Variants in NDOR1 observed in about 807,000 individuals in gnomAD.
NDOR1 encodes NADPH-dependent diflavin oxidoreductase 1.
NDOR1 carries 61 observed loss-of-function variants against 67.2 expected under a neutral mutation model. That is an observed-to-expected ratio of 0.91 (90% CI 0.74 to 1.12). The LOEUF is 1.12. NDOR1 is among the 50% of genes most tolerant of loss of function. NDOR1 has a pLI of 0.00. For synonymous variants in NDOR1, 378 were observed against 343.7 expected (o/e 1.10, Z -1.10); for missense variants, 878 against 802.8 (o/e 1.09, Z -1.13).
intron 2 of NDOR1, among the ~76,000 whole-genome samples, chr9:137,211,863 G>A (rs531565235): frequency 5.7e-4 from 86 of 152,102 alleles, no homozygotes; most frequent in Admixed American, 1.5e-3. Flanking sequence ...TAGGGAGGGG[G>A]CAGTAGGTTC....
Position 137,215,199 on chromosome 9 carries a change from G to A in NDOR1, c.1170G>A (p.Leu390=). The A allele has an allele frequency of 5.0e-6, 8 of 1,610,238 alleles. No individual in the cohort carries two copies. Among genetic ancestry groups the A allele is most frequent in the Non-Finnish European group, 6.8e-6 (8 of 1,178,880 alleles). The change falls in exon 9 of 14, where the codon CTG becomes CTA. Residue 390 remains leucine, a synonymous_variant. Coordinates refer to ENST00000684003, the MANE Select transcript of NDOR1 (RefSeq NM_014434.4). ...GGGCCTTCTCCATCGCCTCCTCGCT[G>A]CTGGTGAGGGGCCTGGTGGTTGGAG... is the stretch of plus-strand genomic sequence containing the variant. ...RPRAFSIASS[L]LTHPSRLQIL...
At position 137,216,018 on chromosome 9, in the gene NDOR1, G is replaced by A. The variant is rs1304111996; in HGVS notation, c.1554+1G>A. 3 of 1,613,454 alleles carry A rather than the reference G, an allele frequency of 1.9e-6. No individual in the cohort carries two copies. Among genetic ancestry groups the A allele is most frequent in the Non-Finnish European group, 1.7e-6 (2 of 1,180,012 alleles). On this transcript the variant is annotated splice_donor_variant, in intron 12 of 13. Coordinates refer to ENST00000684003, the MANE Select transcript of NDOR1 (RefSeq NM_014434.4). LOFTEE classifies it high-confidence loss of function. The stretch of plus-strand genomic sequence containing the variant: ...CATCCCTGCCTTCTCCCGGGAACAG[G>A]TGTGTATGCTCAGGGGCTGGGAAAG...
rs757257285 is a variant in NDOR1, at chr9:137,215,171, C to T, written c.1142C>T (p.Pro381Leu). ...TTGGACCTCATCCCCGTTATCCGGC[C>T]GAGGGCCTTCTCCATCGCCTCCTCG... The part of the protein sequence containing the change: ...YLLDLIPVIR[P>L]RAFSIASSLL... The change falls in exon 9 of 14, where the codon CCG (proline) becomes CTG (leucine). Residue 381 changes from proline (P) to leucine (L), a missense_variant. Pro to Leu is a moderately conservative substitution (Grantham distance 98, BLOSUM62 -3). Transcript: ENST00000684003. 40 of 1,612,908 alleles carry T rather than the reference C, an allele frequency of 2.5e-5. No individual in the cohort carries two copies. The highest frequency in any genetic ancestry group is 2.5e-5 in the Non-Finnish European group (30 of 1,179,906).
chr9:137,210,599 G>C (rs1204371310), intron 2 of NDOR1, among the ~76,000 whole-genome samples: 1 of 152,154 alleles, frequency 6.6e-6, no homozygotes, highest in Non-Finnish European at 1.5e-5. Flanking sequence ...CCAGCGCTTT[G>C]AGAAGCCAAG....
chr9:137,218,706 C>A lies in NDOR1; in HGVS notation c.*2290C>A. 1 of 397,834 alleles carries A rather than the reference C, an allele frequency of 2.5e-6. No homozygotes were observed. Among genetic ancestry groups the A allele is most frequent in the Non-Finnish European group, 4.4e-6 (1 of 225,780 alleles). 24.6% of individuals were successfully genotyped at this position (397,834 alleles called of 1,614,324 possible). ...GGCCTGATGACCAGGCTGGAAAAAC[C>A]CAAGGTTGGGTCCAGGGCAGTGGCC... On this transcript the variant is annotated 3_prime_UTR_variant, in exon 14 of 14. Transcript: ENST00000684003.
intron 2 of NDOR1, among the ~76,000 whole-genome samples, chr9:137,211,766 C>T (rs1361156901): frequency 1.3e-5 from 2 of 151,826 alleles, no homozygotes; most frequent in African/African-American, 4.8e-5. Flanking sequence ...CCAGGGCCTC[C>T]CTGTCTGCTA....
In NDOR1 at chr9:137,219,308, T is replaced by G. The variant is rs927741107; in HGVS notation, c.*2892T>G. 4.0e-5 allele frequency: 6 copies of G among 151,760 alleles called. No homozygotes were observed. The highest frequency in any genetic ancestry group is 3.9e-4 in the Admixed American group (6 of 15,224). 9.4% of individuals were successfully genotyped at this position (151,760 alleles called of 1,614,324 possible). ...AGACATCAGGTGGCCCAGCGAGAGATGGAGGACTGATCCTGGAACGTGAAG... is the reference window on the plus strand; with the variant it reads ...AGACATCAGGTGGCCCAGCGAGAGAGGGAGGACTGATCCTGGAACGTGAAG... On this transcript the variant is annotated 3_prime_UTR_variant, in exon 14 of 14. Coordinates refer to ENST00000684003, the MANE Select transcript of NDOR1 (RefSeq NM_014434.4).
At chr9:137,214,727 T>G (rs1161356374) in intron 7 of NDOR1, 36 bp downstream of exon 7, 2 of 1,597,898 alleles carry the variant, frequency 1.3e-6, no homozygotes, top group Admixed American at 3.3e-5. Flanking sequence ...CTCTCTGCCC[T>G]CTCCCGTGCC....
intron 2 of NDOR1, 152 bp downstream of exon 2, chr9:137,206,461 GCT>G (rs1183710682): frequency 5.1e-6 from 4 of 790,606 alleles, no homozygotes; most frequent in Non-Finnish European, 6.5e-6. Context: ...GGGGCTGGGG[GCT>G]CCGGTTGCCC....
intron 2 of NDOR1, among the ~76,000 whole-genome samples, chr9:137,206,620 C>A (rs1206743244): frequency 6.6e-6 from 1 of 152,192 alleles, no homozygotes; most frequent in Admixed American, 6.5e-5. Context: ...TTGCTGAATT[C>A]TCTGACCATC....
At chr9:137,210,839 CCT>C (rs916192028) in intron 2 of NDOR1, among the ~76,000 whole-genome samples, 2 of 151,862 alleles carry the variant, frequency 1.3e-5, no homozygotes, top group African/African-American at 4.8e-5. Context: ...AGAATGAGAC[CCT>C]GTCTCAACAA....
At chr9:137,209,302 CAGAT>C (rs975819821) in intron 2 of NDOR1, among the ~76,000 whole-genome samples, 9 of 151,914 alleles carry the variant, frequency 5.9e-5, no homozygotes, top group Admixed American at 1.3e-4. Context: ...CGAGGGGTCT[CAGAT>C]AGAGTGGGAT....
intron 2 of NDOR1, among the ~76,000 whole-genome samples, chr9:137,211,049 G>A (rs1472560306): frequency 1.3e-5 from 2 of 152,226 alleles, no homozygotes; most frequent in Non-Finnish European, 2.9e-5. Flanking sequence ...GCTGAGGCAG[G>A]AGAATCACTT....
rs1464815073 is a variant in NDOR1, at chr9:137,216,383, G to A, written c.1761G>A (p.Gln587=). Reference sequence around the variant, plus strand: ...CCGCGTATCTAGCCAGGCTCCAGCAGACACGGCGCTTCCAGACAGAGACGT... The same window carrying A: ...CCGCGTATCTAGCCAGGCTCCAGCAAACACGGCGCTTCCAGACAGAGACGT... ...DAAAYLARLQ[Q]TRRFQTETWA is the part of the protein sequence containing the mutation. Residue 587 remains glutamine, a synonymous_variant, in exon 14 of 14, where the codon CAG becomes CAA. Transcript: ENST00000684003. 1.3e-5 allele frequency: 21 copies of A among 1,606,618 alleles called. No individual in the cohort carries two copies. The highest frequency in any genetic ancestry group is 1.6e-5 in the Non-Finnish European group (19 of 1,179,830).
intron 7 of NDOR1, 50 bp downstream of exon 7, chr9:137,214,741 G>A (rs1416660426): frequency 1.3e-6 from 2 of 1,596,728 alleles, no homozygotes; most frequent in East Asian, 4.5e-5. Flanking sequence ...CCGTGCCCTG[G>A]GCCCCCACCC....
rs1835699661 is a variant in NDOR1, at chr9:137,217,813, C to T, written c.*1397C>T. On this transcript the variant is annotated 3_prime_UTR_variant, in exon 14 of 14. Coordinates refer to ENST00000684003, the MANE Select transcript of NDOR1 (RefSeq NM_014434.4). ...CCAGGGCCACCACCCCTGAACTGTG[C>T]CCTGGGGCCCCCACCCTCCACCTGG... The T allele has an allele frequency of 1.3e-5, 5 of 397,182 alleles. No homozygotes were observed. Among genetic ancestry groups the T allele is most frequent in the Admixed American group, 4.4e-5 (1 of 22,678 alleles). The allele number at this position is 397,182 out of a possible 1,614,324, so 24.6% of individuals were successfully genotyped here. A position where few individuals can be genotyped will look rare whatever the true frequency, so the allele number is the denominator to read the frequency against.
In NDOR1 at chr9:137,212,690, G is replaced by A. The variant is rs1437873279; in HGVS notation, c.311+91G>A. On this transcript the variant is annotated intron_variant, in intron 3 of 13. Coordinates refer to ENST00000684003, the MANE Select transcript of NDOR1 (RefSeq NM_014434.4). This position sits in a 1 kb window ranked among gnomAD's most constrained non-coding sequence, Gnocchi z 4.3. The stretch of plus-strand genomic sequence containing the variant: ...CAGAGGACCGAGACCAGCTTCCAGG[G>A]TCGGCCCCTGCGCGCCTCAGGGCCC... 4 of 1,250,076 alleles carry A rather than the reference G, an allele frequency of 3.2e-6. No individual in the cohort carries two copies. Among genetic ancestry groups the A allele is most frequent in the African/African-American group, 1.5e-5 (1 of 67,572 alleles). The allele number at this position is 1,250,076 out of a possible 1,614,324, so 77.4% of individuals were successfully genotyped here. A position where few individuals can be genotyped will look rare whatever the true frequency, so the allele number is the denominator to read the frequency against.
Position 137,215,769 on chromosome 9 carries a change from G to C in NDOR1, c.1399G>C (p.Ala467Pro). The C allele has an allele frequency of 3.1e-6, 5 of 1,598,186 alleles. No individual in the cohort carries two copies. The highest frequency in any genetic ancestry group is 4.3e-6 in the Non-Finnish European group (5 of 1,171,412). ...TGGCACTGGGGTAGCCCCCTTCCGAGCAGCCATCCAGGAGCGTGTGGCCCA... is the reference window on the plus strand; with the variant it reads ...TGGCACTGGGGTAGCCCCCTTCCGACCAGCCATCCAGGAGCGTGTGGCCCA... ...GPGTGVAPFR[A>P]AIQERVAQGQ... Residue 467 changes from alanine (A) to proline (P), a missense_variant, in exon 11 of 14, where the codon GCA (alanine) becomes CCA (proline). Transcript: ENST00000684003.
In NDOR1 at chr9:137,216,464, C is replaced by G. The variant is rs1249662069; in HGVS notation, c.*48C>G. On this transcript the variant is annotated 3_prime_UTR_variant, in exon 14 of 14. Coordinates refer to ENST00000684003, the MANE Select transcript of NDOR1 (RefSeq NM_014434.4). Reference sequence around the variant, plus strand: ...CTCTGACAGCCATCCTCCTGGGAGCCCAGGAAGGCATCCACGAGGGAGCTC... The same window carrying G: ...CTCTGACAGCCATCCTCCTGGGAGCGCAGGAAGGCATCCACGAGGGAGCTC... 5 of 1,568,490 alleles carry G rather than the reference C, an allele frequency of 3.2e-6. No individual in the cohort carries two copies. The African/African-American group carries it at 5.4e-5, about 17-fold the overall frequency.
Sources: allele counts gnomAD v4.1 joint callset (sites outside exome capture counted in the v4.1 genomes callset), GRCh38; gene constraint gnomAD v4.1.1; non-coding constraint Gnocchi (gnomAD v3.1); transcripts MANE v1.5; gene names NCBI Gene and HGNC (gene_info 2026-07-23, HGNC 2026-07-21).